The following AGTPBP1 variants were observed in gnomAD, a reference collection of about 807,000 sequenced individuals.
AGTPBP1 encodes the protein cytosolic carboxypeptidase 1.
Under a neutral mutation model 143.9 loss-of-function variants are expected in AGTPBP1, and 70 were observed. The observed-to-expected ratio is 0.49, with a 90% CI of 0.40 to 0.59. The LOEUF (loss-of-function observed/expected upper bound fraction) is 0.59. Ranked by LOEUF, AGTPBP1 falls within the 20% of genes least tolerant of loss-of-function variation. AGTPBP1 has a pLI of 0.00. For synonymous variants in AGTPBP1, 463 were observed against 500.2 expected, an observed-to-expected ratio of 0.93 and a Z score of 0.99; for missense variants, 1,229 against 1,464.5, an observed-to-expected ratio of 0.84 and a Z score of 2.62.
intron 8 of AGTPBP1, among the ~76,000 whole-genome samples, chr9:85,662,504 G>A (rs1833907063): frequency 6.6e-6 from 1 of 152,008 alleles, no homozygotes; most frequent in Admixed American, 6.6e-5. Flanking sequence ...TGAGAATAAG[G>A]ATAGCTTTTA....
rs78083324 is a variant in AGTPBP1, at chr9:85,608,688, A to G, written c.2335+10295T>C. Among the ~76,000 whole-genome samples, 355 of 152,212 alleles carry G rather than the reference A, an allele frequency of 2.3e-3. 5 individuals carry two copies. The highest frequency in any genetic ancestry group is 0.02 in the Admixed American group (301 of 15,286). Reference sequence around the variant, plus strand: ...TATAATATAAGATGATATAAGTAATATATCTTCTCAATAGCACAATACATT... The same window carrying G: ...TATAATATAAGATGATATAAGTAATGTATCTTCTCAATAGCACAATACATT... On this transcript the variant is annotated intron_variant, in intron 17 of 25. Transcript: ENST00000357081.
intron 9 of AGTPBP1, 134 bp from the exon 10 acceptor site, chr9:85,657,777 A>C (rs895867306): frequency 3.5e-5 from 20 of 570,546 alleles, no homozygotes; most frequent in Admixed American, 3.8e-5. Flanking sequence ...AATGACAAGC[A>C]CATATTTATA....
chr9:85,754,396 T>C, the AGTPBP1 span, among the ~76,000 whole-genome samples: 2 of 152,188 alleles, frequency 1.3e-5, no homozygotes, highest in African/African-American at 4.8e-5. Flanking sequence ...TTCACCATGT[T>C]AGCCAGGATG....
intron 1 of AGTPBP1, among the ~76,000 whole-genome samples, 161 bp from the exon 2 acceptor site, chr9:85,712,727 G>A (rs1476659229): frequency 3.3e-5 from 5 of 152,098 alleles, no homozygotes; most frequent in East Asian, 1.9e-4. Flanking sequence ...CTACTGGGTC[G>A]CTTCAGAATG....
the AGTPBP1 span, among the ~76,000 whole-genome samples, chr9:85,796,525 T>A: frequency 6.6e-6 from 1 of 152,044 alleles, no homozygotes; most frequent in Non-Finnish European, 1.5e-5. Flanking sequence ...GGTTTTCCAA[T>A]TTAAATGACA....
At chr9:85,655,364 A>G (rs1038845350) in intron 10 of AGTPBP1, 44 bp from the exon 11 acceptor site, 3 of 1,439,980 alleles carry the variant, frequency 2.1e-6, no homozygotes, top group Non-Finnish European at 1.8e-6. Flanking sequence ...TTTTTGATGA[A>G]TAACTGAACC....
chr9:85,725,145 C>A (rs1838386596), intron 1 of AGTPBP1, among the ~76,000 whole-genome samples: 1 of 152,056 alleles, frequency 6.6e-6, no homozygotes, highest in Non-Finnish European at 1.5e-5. Flanking sequence ...GCAAAAGCTG[C>A]CTGATTATAG....
At chr9:85,565,117 T>C (rs10780729) in intron 25 of AGTPBP1, among the ~76,000 whole-genome samples, 22,109 of 152,186 alleles carry the variant, frequency 0.15, 2,295 homozygotes, top group East Asian at 0.51. Context: ...CAGCCTATTG[T>C]ATTTCATTAT....
At chr9:85,728,414 G>A (rs1388315937) in intron 1 of AGTPBP1, among the ~76,000 whole-genome samples, 1 of 151,996 alleles carries the variant, frequency 6.6e-6, no homozygotes, top group African/African-American at 2.4e-5. Context: ...CTCGAGATGA[G>A]ATTTACTGAT....
At chr9:85,790,999 A>G in the AGTPBP1 span, among the ~76,000 whole-genome samples, 3 of 152,206 alleles carry the variant, frequency 2.0e-5, no homozygotes, top group Non-Finnish European at 4.4e-5. Flanking sequence ...TTATTTGTAT[A>G]CTGTATTATT....
intron 14 of AGTPBP1, among the ~76,000 whole-genome samples, chr9:85,627,844 G>C (rs1252742987): frequency 6.6e-6 from 1 of 152,090 alleles, no homozygotes; most frequent in Non-Finnish European, 1.5e-5. Context: ...TTTATTGCAA[G>C]AATACAGTAT....
At chr9:85,741,423 G>C in intron 1 of AGTPBP1, 4 of 985,222 alleles carry the variant, frequency 4.1e-6, no homozygotes, top group Non-Finnish European at 4.8e-6. Flanking sequence ...GCGGCGCCGC[G>C]AGCTCGGGCC....
At chr9:85,584,798 C>T (rs958322145) in intron 23 of AGTPBP1, among the ~76,000 whole-genome samples, 2 of 152,164 alleles carry the variant, frequency 1.3e-5, no homozygotes, top group African/African-American at 4.8e-5. Context: ...AGAAATCTAA[C>T]AAACATTTCA....
In AGTPBP1 at chr9:85,669,562, G is replaced by A. The variant is rs374473437; in HGVS notation, c.585C>T (p.Ser195=). 1.2e-6 allele frequency: 2 copies of A among 1,610,716 alleles called. No homozygotes were observed. The highest frequency in any genetic ancestry group is 2.7e-5 in the African/African-American group (2 of 74,678). The part of the protein sequence containing the change: ...VYSANSVNSV[S]LGKNGVVELM... ...GTTCCACAACTCCATTTTTCCCTAA[G>A]GATACTGAATTCACAGCTGAGAGGG... Residue 195 remains serine (S), a synonymous_variant, in exon 8 of 26, where the codon TCC becomes TCT. Transcript: ENST00000357081.
chr9:85,788,346 A>G, the AGTPBP1 span, among the ~76,000 whole-genome samples: 3 of 150,124 alleles, frequency 2.0e-5, no homozygotes, highest in Non-Finnish European at 4.4e-5. Context: ...AACCAAAGGT[A>G]AAACATACAC....
intron 25 of AGTPBP1, among the ~76,000 whole-genome samples, chr9:85,548,388 T>G (rs1825844243): frequency 6.6e-6 from 1 of 152,200 alleles, no homozygotes; most frequent in Non-Finnish European, 1.5e-5. Flanking sequence ...TTCCTATACT[T>G]GCTTTAATCT....
chr9:85,748,088 C>T, the AGTPBP1 span, among the ~76,000 whole-genome samples: 1 of 152,134 alleles, frequency 6.6e-6, no homozygotes, highest in African/African-American at 2.4e-5. Context: ...GTTACTTCTA[C>T]TTTCATTCAT....
the AGTPBP1 span, chr9:85,774,015 T>C: frequency 6.2e-7 from 1 of 1,606,894 alleles, no homozygotes; most frequent in East Asian, 2.2e-5. Flanking sequence ...AAAGATGCAG[T>C]TGCTGTTACA....
At chr9:85,646,208 G>C (rs1265240172) in intron 12 of AGTPBP1, 113 bp downstream of exon 12, 2 of 688,494 alleles carry the variant, frequency 2.9e-6, no homozygotes, top group African/African-American at 3.6e-5. Flanking sequence ...ATGGTAAAAA[G>C]ATGTGGACAA....
Sources: gnomAD v4.1 joint callset for allele counts (sites outside exome capture counted in the v4.1 genomes callset) on GRCh38, gnomAD v4.1.1 for gene constraint, MANE v1.5 for transcripts, NCBI Gene and HGNC (gene_info 2026-07-23, HGNC 2026-07-21) for gene names.